Variants in LOXL2 observed in about 807,000 individuals in gnomAD.
The protein encoded by LOXL2 is lysyl oxidase like 2.
LOXL2 carries 70 observed loss-of-function variants against 93.0 expected under a neutral mutation model. The ratio of observed to expected loss-of-function variants is 0.75; its 90% CI spans 0.62 to 0.92. The LOEUF (loss-of-function observed/expected upper bound fraction) is 0.92. Among genes scored for constraint, LOXL2 ranks in the 40% least tolerant of loss-of-function variants. The probability of loss-of-function intolerance (pLI) is 0.00; values close to 1 mark genes in which losing one functional copy is unlikely to be tolerated. For missense variants in LOXL2, 973 were observed against 1,054.9 expected (o/e 0.92, Z 1.08); for synonymous variants, 438 against 413.2 (o/e 1.06, Z -0.73).
At chr8:23,329,478 C>G (rs1470093142) in intron 5 of LOXL2, among the ~76,000 whole-genome samples, 1 of 152,198 alleles carries the variant, frequency 6.6e-6, no homozygotes, top group East Asian at 1.9e-4. Flanking sequence ...AAGATGGGAG[C>G]TGGGTCATTT....
intron 9 of LOXL2, among the ~76,000 whole-genome samples, chr8:23,310,143 T>TA (rs1803300670): frequency 1.3e-5 from 2 of 152,228 alleles, no homozygotes; most frequent in Admixed American, 6.5e-5. Flanking sequence ...AGCGAGATGT[T>TA]AAAATCTCAC....
In LOXL2 at chr8:23,306,529, G is replaced by A. The variant is rs1373480003; in HGVS notation, c.1881-3132C>T. Among the ~76,000 whole-genome samples, 7 of 152,224 alleles carry A rather than the reference G, an allele frequency of 4.6e-5. 1 individual carries two copies. Among genetic ancestry groups the A allele is most frequent in the Admixed American group, 3.3e-4 (5 of 15,288 alleles). ...CTTGGCAGGAGCAAGCCCCACAGAT[G>A]CGATGAGGGCCTCAGATTGGCTCCC... is the stretch of plus-strand genomic sequence containing the variant. On this transcript the variant is annotated intron_variant, in intron 10 of 13. Transcript: ENST00000389131.
intron 2 of LOXL2, among the ~76,000 whole-genome samples, chr8:23,360,779 G>C (rs916623378): frequency 6.6e-6 from 1 of 152,174 alleles, no homozygotes; most frequent in African/African-American, 2.4e-5. Flanking sequence ...TGATGTTTTA[G>C]TGACACTGAT....
chr8:23,341,426 C>A, intron 3 of LOXL2: 1 of 578,632 alleles, frequency 1.7e-6, no homozygotes, highest in Admixed American at 2.9e-5. Flanking sequence ...AAGGACCCAA[C>A]AGGGAGTGGG....
intron 1 of LOXL2, among the ~76,000 whole-genome samples, chr8:23,393,359 T>C (rs1025990724): frequency 1.3e-5 from 2 of 152,202 alleles, no homozygotes; most frequent in African/African-American, 4.8e-5. Context: ...GAGAGACATA[T>C]AGATCAATGA....
At position 23,377,613 on chromosome 8, in the gene LOXL2, C is replaced by T. The variant is rs1324226421; in HGVS notation, c.-83-9179G>A. Reference sequence around the variant, plus strand: ...ATCTTTAAGGACTTGCTTTATGAATCTGGGTGCTCCTGCATTGGGTGCATA... The same window carrying T: ...ATCTTTAAGGACTTGCTTTATGAATTTGGGTGCTCCTGCATTGGGTGCATA... On this transcript the variant is annotated intron_variant, in intron 1 of 13. Transcript: ENST00000389131. Among the ~76,000 whole-genome samples, 4 of 152,092 alleles carry T rather than the reference C, an allele frequency of 2.6e-5. No individual in the cohort carries two copies. The East Asian group carries it at 5.8e-4, about 22-fold the overall frequency.
At chr8:23,317,204 C>G in intron 8 of LOXL2, 90 bp from the exon 9 acceptor site, 1 of 1,404,104 alleles carries the variant, frequency 7.1e-7, no homozygotes, top group South Asian at 1.2e-5. Context: ...ACAAAAATCC[C>G]AATGTTTCAT....
At chr8:23,306,146 G>C (rs974480195) in intron 10 of LOXL2, among the ~76,000 whole-genome samples, 1 of 152,180 alleles carries the variant, frequency 6.6e-6, no homozygotes, top group Non-Finnish European at 1.5e-5. Flanking sequence ...CACTCGTCAA[G>C]GGAGGAGGTG....
intron 3 of LOXL2, among the ~76,000 whole-genome samples, chr8:23,353,190 G>A (rs1804125761): frequency 6.6e-6 from 1 of 152,138 alleles, no homozygotes; most frequent in Admixed American, 6.5e-5. Flanking sequence ...ATCTGGATTT[G>A]TCATCTTTCC....
chr8:23,394,997 T>C (rs1043000774), intron 1 of LOXL2, among the ~76,000 whole-genome samples: 26 of 152,226 alleles, frequency 1.7e-4, no homozygotes, highest in Non-Finnish European at 1.3e-4. Context: ...GGCTCCCGCC[T>C]GTAATCCCAG....
intron 1 of LOXL2, chr8:23,402,832 G>A (rs1800169695): frequency 6.6e-6 from 1 of 152,036 alleles, no homozygotes; most frequent in African/African-American, 2.4e-5. Context: ...AGATCTTAGG[G>A]ACGAAACTAA....
chr8:23,349,208 C>T (rs796170505), intron 3 of LOXL2, among the ~76,000 whole-genome samples: 4 of 152,232 alleles, frequency 2.6e-5, no homozygotes, highest in African/African-American at 9.6e-5. Context: ...GTGATAATGT[C>T]GTCATCTCAC....
intron 1 of LOXL2, among the ~76,000 whole-genome samples, chr8:23,380,957 G>C (rs1420599256): frequency 1.3e-5 from 2 of 152,174 alleles, no homozygotes; most frequent in East Asian, 3.9e-4. Flanking sequence ...AGGTTGCAGT[G>C]AGCCGAGATT....
At chr8:23,388,367 C>T (rs1481551427) in intron 1 of LOXL2, among the ~76,000 whole-genome samples, 1 of 152,044 alleles carries the variant, frequency 6.6e-6, no homozygotes, top group Non-Finnish European at 1.5e-5. Context: ...TGCTTCAGCT[C>T]AGGGGTTTGA....
chr8:23,365,517 GTTTTT>G (rs35747589), intron 2 of LOXL2: 1 of 145,578 alleles, frequency 6.9e-6, no homozygotes, highest in Non-Finnish European at 1.5e-5. Context: ...ACAAGACAGA[GTTTTT>G]TTTTTTTCAA....
At chr8:23,388,523 G>T (rs1804796274) in intron 1 of LOXL2, among the ~76,000 whole-genome samples, 1 of 152,034 alleles carries the variant, frequency 6.6e-6, no homozygotes, top group Non-Finnish European at 1.5e-5. Context: ...GGTTGAGGCT[G>T]CAGTGAGCAG....
At chr8:23,376,756 G>A (rs1159673845) in intron 1 of LOXL2, among the ~76,000 whole-genome samples, 3 of 152,178 alleles carry the variant, frequency 2.0e-5, no homozygotes, top group African/African-American at 7.2e-5. Context: ...TCTGATGGTT[G>A]TTTGTATTTC....
chr8:23,385,863 C>T (rs1000017326), intron 1 of LOXL2: 32 of 719,402 alleles, frequency 4.4e-5, no homozygotes, highest in Middle Eastern at 2.3e-4. Flanking sequence ...AGATGTTTTG[C>T]GTTCTTTTTT....
chr8:23,377,707 C>T (rs545763854), intron 1 of LOXL2, among the ~76,000 whole-genome samples: 5 of 152,102 alleles, frequency 3.3e-5, no homozygotes, highest in South Asian at 2.1e-4. Flanking sequence ...CCTTCTTTAT[C>T]TCTTTTGATC....
Sources: gnomAD v4.1 joint callset for allele counts (sites outside exome capture counted in the v4.1 genomes callset) on GRCh38, gnomAD v4.1.1 for gene constraint, MANE v1.5 for transcripts, NCBI Gene and HGNC (gene_info 2026-07-23, HGNC 2026-07-21) for gene names.